The following CCDC73 variants were observed in gnomAD, a reference collection of about 807,000 sequenced individuals.
CCDC73 encodes the protein coiled-coil domain containing 73.
A neutral mutation model predicts 116.5 loss-of-function variants in CCDC73; 95 were observed. That is an observed-to-expected ratio of 0.82 (90% CI 0.69 to 0.97). The LOEUF is 0.97. Among genes scored for constraint, CCDC73 ranks in the 50% least tolerant of loss-of-function variants. The pLI is 0.00. For missense variants in CCDC73, 1,066 were observed against 1,206.8 expected, an observed-to-expected ratio of 0.88 and a Z score of 1.73; for synonymous variants, 398 against 401.3, an observed-to-expected ratio of 0.99 and a Z score of 0.10.
intron 2 of CCDC73, among the ~76,000 whole-genome samples, chr11:32,748,032 C>T (rs1850256111): frequency 6.6e-6 from 1 of 152,238 alleles, no homozygotes; most frequent in Non-Finnish European, 1.5e-5. Flanking sequence ...CTGCATCAGT[C>T]TCCCTGGGAG....
At position 32,613,598 on chromosome 11, in the gene CCDC73, G is replaced by A; in HGVS notation, c.2720C>T (p.Pro907Leu). Residue 907 changes from proline (P) to leucine (L), a missense_variant, in exon 16 of 18, where the codon CCC becomes CTC. Transcript: ENST00000335185. ...GTGATTTACTTTTGACCAAGGACCG[G>A]GGTCTGAAAAATTCATGTATACTGG... ...KTPVYMNFSDPGPWSKVNHIE... is the reference protein window; with the variant it reads ...KTPVYMNFSDLGPWSKVNHIE... 6.2e-7 allele frequency: 1 copy of A among 1,614,024 alleles called. No homozygotes were observed. Among genetic ancestry groups the A allele is most frequent in the Non-Finnish European group, 8.5e-7 (1 of 1,180,004 alleles).
chr11:32,677,924 C>T lies in CCDC73; in HGVS notation c.430-1903G>A, dbSNP rs181716925. Among the ~76,000 whole-genome samples the T allele has an allele frequency of 1.9e-3, 253 of 130,152 alleles. 1 individual carries two copies. The highest frequency in any genetic ancestry group is 7.2e-3 in the African/African-American group (249 of 34,564). The allele number at this position is 130,152 out of a possible 152,430, so 85.4% of individuals were successfully genotyped here. A position where few individuals can be genotyped will look rare whatever the true frequency, so the allele number is the denominator to read the frequency against. On this transcript the variant is annotated intron_variant, in intron 7 of 17. Coordinates refer to ENST00000335185, the MANE Select transcript of CCDC73 (RefSeq NM_001008391.4). ...CCAAGATCGTGACACTGCACTCCAG[C>T]CTAGGCAAACAAAAGAGCAAGATTC... is the stretch of plus-strand genomic sequence containing the variant.
chr11:32,698,011 A>T (rs12799341), intron 6 of CCDC73, among the ~76,000 whole-genome samples: 7,156 of 18,878 alleles, frequency 0.38, 1,500 homozygotes, highest in East Asian at 0.65. Flanking sequence ...CTAACACTGA[A>T]TTTTTTTTTT....
chr11:32,671,459 CAAAAT>C (rs1856037485), intron 9 of CCDC73, among the ~76,000 whole-genome samples: 1 of 146,216 alleles, frequency 6.8e-6, no homozygotes, highest in East Asian at 2.0e-4. Context: ...CTGTTCTGGA[CAAAAT>C]CATAGAACAG....
intron 6 of CCDC73, among the ~76,000 whole-genome samples, chr11:32,692,227 T>G (rs954700230): frequency 7.9e-5 from 12 of 152,148 alleles, no homozygotes; most frequent in African/African-American, 2.9e-4. Flanking sequence ...GATATCTAGC[T>G]GTTCCTGCAC....
At chr11:32,818,427 A>G in the CCDC73 span, among the ~76,000 whole-genome samples, 1 of 152,244 alleles carries the variant, frequency 6.6e-6, no homozygotes. Flanking sequence ...AGTTGTGAGC[A>G]TTCTATAAGA....
rs199912402 is a variant in CCDC73, at chr11:32,649,738, G to A, written c.939+3385C>T. Reference sequence around the variant, plus strand: ...AAATGTCAATATAAGGTCATCAAATGTCTTTTCTTATAAAGGACTATCCTT... The same window carrying A: ...AAATGTCAATATAAGGTCATCAAATATCTTTTCTTATAAAGGACTATCCTT... On this transcript the variant is annotated intron_variant, in intron 12 of 17. Coordinates refer to ENST00000335185, the MANE Select transcript of CCDC73 (RefSeq NM_001008391.4). Among the ~76,000 whole-genome samples the A allele has an allele frequency of 2.0e-5, 3 of 152,072 alleles. No individual in the cohort carries two copies. The East Asian group carries it at 5.8e-4, about 29-fold the overall frequency.
chr11:32,763,620 C>T (rs1850412027), intron 1 of CCDC73, among the ~76,000 whole-genome samples: 4 of 152,030 alleles, frequency 2.6e-5, no homozygotes, highest in Admixed American at 2.6e-4. Flanking sequence ...CTGTATGTCA[C>T]CATCATCAAA....
intron 13 of CCDC73, among the ~76,000 whole-genome samples, chr11:32,638,304 C>T (rs1855700439): frequency 6.6e-6 from 1 of 152,058 alleles, no homozygotes; most frequent in African/African-American, 2.4e-5. Flanking sequence ...TGTTTTAAAC[C>T]CTTCAATGGC....
chr11:32,661,052 T>C (rs2133270162), intron 9 of CCDC73, among the ~76,000 whole-genome samples: 1 of 152,196 alleles, frequency 6.6e-6, no homozygotes, highest in South Asian at 2.1e-4. Context: ...AGGTAATACA[T>C]TTGGGCATGT....
intron 1 of CCDC73, among the ~76,000 whole-genome samples, chr11:32,779,890 A>C (rs1850567948): frequency 6.6e-6 from 1 of 152,200 alleles, no homozygotes; most frequent in Non-Finnish European, 1.5e-5. Flanking sequence ...ATACATCTCT[A>C]AATGAGCTAA....
At chr11:32,630,027 G>A (rs1278004333) in intron 14 of CCDC73, among the ~76,000 whole-genome samples, 2 of 151,438 alleles carry the variant, frequency 1.3e-5, no homozygotes, top group Non-Finnish European at 2.9e-5. Context: ...AGTGACAGAA[G>A]TGGTAAATGT....
the CCDC73 span, chr11:32,830,400 C>A: frequency 9.9e-7 from 1 of 1,008,910 alleles, no homozygotes; most frequent in Non-Finnish European, 1.3e-6. Flanking sequence ...GCCGGGCGCT[C>A]TTGCGCCTAG....
chr11:32,661,067 G>A (rs759218534), intron 9 of CCDC73, among the ~76,000 whole-genome samples: 5 of 152,100 alleles, frequency 3.3e-5, no homozygotes, highest in Admixed American at 2.0e-4. Flanking sequence ...GCATGTCATG[G>A]TAAAGATGAT....
intron 14 of CCDC73, among the ~76,000 whole-genome samples, chr11:32,629,802 A>G (rs1168839173): frequency 6.6e-6 from 1 of 151,246 alleles, no homozygotes; most frequent in Non-Finnish European, 1.5e-5. Context: ...GGCATCTTAA[A>G]ATTAATGAAA....
At chr11:32,630,123 T>C (rs957476075) in intron 14 of CCDC73, among the ~76,000 whole-genome samples, 2 of 152,202 alleles carry the variant, frequency 1.3e-5, no homozygotes, top group African/African-American at 4.8e-5. Context: ...TGGTAGGTTT[T>C]ATAACATATA....
chr11:32,743,543 G>A (rs1360353562), intron 2 of CCDC73, among the ~76,000 whole-genome samples: 1 of 151,960 alleles, frequency 6.6e-6, no homozygotes, highest in Non-Finnish European at 1.5e-5. Flanking sequence ...TGTATAGAGT[G>A]TTTGTTTTTT....
At chr11:32,693,654 C>G (rs935935965) in intron 6 of CCDC73, among the ~76,000 whole-genome samples, 2 of 152,056 alleles carry the variant, frequency 1.3e-5, no homozygotes, top group African/African-American at 4.8e-5. Context: ...AACATCGATG[C>G]AAAAATCCTC....
intron 2 of CCDC73, among the ~76,000 whole-genome samples, chr11:32,752,399 CA>C: frequency 6.6e-6 from 1 of 152,030 alleles, no homozygotes; most frequent in East Asian, 1.9e-4. Context: ...TAAGCTCAAA[CA>C]AAAAATTATC....
Sources: gnomAD v4.1 joint callset for allele counts (sites outside exome capture counted in the v4.1 genomes callset) on GRCh38, gnomAD v4.1.1 for gene constraint, MANE v1.5 for transcripts, NCBI Gene and HGNC (gene_info 2026-07-23, HGNC 2026-07-21) for gene names.